The following UBAC2 variants were observed in gnomAD, a reference collection of about 807,000 sequenced individuals.
UBAC2 encodes the protein UBA domain containing 2.
In UBAC2, 26 loss-of-function variants were observed where a neutral mutation model predicts 44.0. The observed-to-expected ratio is 0.59, with a 90% CI of 0.43 to 0.82. The LOEUF is 0.82. Ranked by LOEUF, UBAC2 falls within the 40% of genes least tolerant of loss-of-function variation. The pLI is 0.00. For missense variants in UBAC2, 329 were observed against 419.4 expected (o/e 0.78, Z 1.88); for synonymous variants, 155 against 154.3 (o/e 1.00, Z -0.04).
At chr13:99,227,015 A>G (rs2043117410) in intron 1 of UBAC2, among the ~76,000 whole-genome samples, 1 of 152,140 alleles carries the variant, frequency 6.6e-6, no homozygotes, top group Admixed American at 6.5e-5. Flanking sequence ...CCTGACCAAC[A>G]TGGAGAAACT....
At chr13:99,360,022 G>A (rs2138877558) in intron 7 of UBAC2, among the ~76,000 whole-genome samples, 1 of 152,342 alleles carries the variant, frequency 6.6e-6, no homozygotes. Context: ...CTTAAAATAA[G>A]ATGAAGATGC....
At chr13:99,340,697 A>G (rs766662351) in intron 7 of UBAC2, 132 bp downstream of exon 7, 2 of 1,056,684 alleles carry the variant, frequency 1.9e-6, no homozygotes, top group Admixed American at 2.6e-5. Flanking sequence ...GACATTTCCA[A>G]AGAGATTGTA....
chr13:99,314,464 CTG>C (rs918894396), intron 5 of UBAC2, among the ~76,000 whole-genome samples: 1 of 152,076 alleles, frequency 6.6e-6, no homozygotes, highest in African/African-American at 2.4e-5. Context: ...TAATTTGTAT[CTG>C]TGGAAAATAT....
intron 6 of UBAC2, among the ~76,000 whole-genome samples, chr13:99,335,925 C>T (rs2138819039): frequency 6.6e-6 from 1 of 151,566 alleles, no homozygotes; most frequent in East Asian, 1.9e-4. Context: ...GAGGCAGAGG[C>T]AGGAGGATCG....
At chr13:99,251,256 T>TCG in intron 4 of UBAC2, among the ~76,000 whole-genome samples, 1 of 152,340 alleles carries the variant, frequency 6.6e-6, no homozygotes, top group East Asian at 1.9e-4. Flanking sequence ...AAGTTGTTTC[T>TCG]CGATTCCTGG....
At chr13:99,288,407 T>C (rs1248211826) in intron 4 of UBAC2, among the ~76,000 whole-genome samples, 2 of 152,196 alleles carry the variant, frequency 1.3e-5, no homozygotes, top group Non-Finnish European at 2.9e-5. Flanking sequence ...ACAGTTAGCA[T>C]GCAGATAGAC....
chr13:99,352,174 C>T (rs1317605680), intron 7 of UBAC2, among the ~76,000 whole-genome samples: 3 of 152,044 alleles, frequency 2.0e-5, no homozygotes, highest in African/African-American at 7.3e-5. Context: ...ATTTACTGGT[C>T]CTTGATGTAT....
chr13:99,246,934 C>T (rs935961166), intron 4 of UBAC2, among the ~76,000 whole-genome samples: 1 of 152,114 alleles, frequency 6.6e-6, no homozygotes, highest in African/African-American at 2.4e-5. Flanking sequence ...CAAACATAGA[C>T]TTTTTGGAAC....
chr13:99,358,738 G>A (rs1452999474), intron 7 of UBAC2, among the ~76,000 whole-genome samples: 1 of 152,122 alleles, frequency 6.6e-6, no homozygotes, highest in Non-Finnish European at 1.5e-5. Flanking sequence ...ACAGTGGCGG[G>A]GGAGTTCCAG....
chr13:99,279,571 A>T (rs1472339483), intron 4 of UBAC2, among the ~76,000 whole-genome samples: 4 of 152,148 alleles, frequency 2.6e-5, no homozygotes, highest in Admixed American at 6.5e-5. Flanking sequence ...CCAGGAGGAG[A>T]CTGTGTTAGT....
chr13:99,345,196 G>A (rs2044955207), intron 7 of UBAC2, among the ~76,000 whole-genome samples: 1 of 152,208 alleles, frequency 6.6e-6, no homozygotes, highest in South Asian at 2.1e-4. Context: ...GGGCAGATAT[G>A]TAGTGAGAAA....
intron 1 of UBAC2, among the ~76,000 whole-genome samples, chr13:99,202,937 G>T (rs531079486): frequency 6.6e-6 from 1 of 152,278 alleles, no homozygotes; most frequent in East Asian, 1.9e-4. Flanking sequence ...TTCCAGGACT[G>T]GTCATTAGAA....
At chr13:99,319,183 C>T (rs762935828) in intron 6 of UBAC2, among the ~76,000 whole-genome samples, 7 of 151,972 alleles carry the variant, frequency 4.6e-5, no homozygotes, top group Non-Finnish European at 7.4e-5. Context: ...TAATAATAAG[C>T]GTTTGTCCTA....
chr13:99,340,270 T>G, intron 6 of UBAC2, 50 bp from the exon 7 acceptor site: 1 of 1,596,260 alleles, frequency 6.3e-7, no homozygotes, highest in Non-Finnish European at 8.6e-7. Flanking sequence ...GTGTACATTT[T>G]TTAAAATAAT....
chr13:99,269,837 A>G (rs900790228), intron 4 of UBAC2, among the ~76,000 whole-genome samples: 3 of 152,230 alleles, frequency 2.0e-5, no homozygotes, highest in Non-Finnish European at 4.4e-5. Context: ...GCAGTGTTAC[A>G]TAGAACTTGA....
chr13:99,337,002 T>C (rs1339897999), intron 6 of UBAC2, among the ~76,000 whole-genome samples: 1 of 151,058 alleles, frequency 6.6e-6, no homozygotes, highest in Non-Finnish European at 1.5e-5. Context: ...CTAGCACACA[T>C]AGTCATCATC....
rs1233293200 is a variant in UBAC2 at position 99,254,984 on chromosome 13, C to T, written c.389+10360C>T. ...TTACGGTATAGCATGACACTAATGA[C>T]TCGAGCCTGAAATTGTTTTGAAACG... On this transcript the variant is annotated intron_variant, in intron 4 of 8. Coordinates refer to ENST00000403766, the MANE Select transcript of UBAC2 (RefSeq NM_001144072.2). The T allele has an allele frequency of 1.2e-6, 2 of 1,613,950 alleles. No individual in the cohort carries two copies. Among genetic ancestry groups the T allele is most frequent in the Non-Finnish European group, 1.7e-6 (2 of 1,180,022 alleles).
At chr13:99,325,399 G>A (rs752922006) in intron 6 of UBAC2, among the ~76,000 whole-genome samples, 1 of 152,046 alleles carries the variant, frequency 6.6e-6, no homozygotes, top group East Asian at 1.9e-4. Flanking sequence ...CACAGTGCCC[G>A]GCCTATGTCT....
At chr13:99,367,046 A>AT (rs1351445974) in intron 7 of UBAC2, among the ~76,000 whole-genome samples, 3 of 152,294 alleles carry the variant, frequency 2.0e-5, no homozygotes, top group African/African-American at 4.8e-5. Context: ...AGAAACATGG[A>AT]TTTTTTTAAA....
Sources: gnomAD v4.1 joint callset for allele counts (sites outside exome capture counted in the v4.1 genomes callset) on GRCh38, gnomAD v4.1.1 for gene constraint, MANE v1.5 for transcripts, NCBI Gene and HGNC (gene_info 2026-07-23, HGNC 2026-07-21) for gene names.